PCLO: variants seen among roughly 807,000 people sequenced by gnomAD.
PCLO encodes the protein protein piccolo.
In PCLO, 82 loss-of-function variants were observed where a neutral mutation model predicts 427.5. The observed-to-expected ratio is 0.19, with a 90% CI of 0.16 to 0.23. The LOEUF (loss-of-function observed/expected upper bound fraction) is 0.23. Among genes scored for constraint, PCLO ranks in the 10% least tolerant of loss-of-function variants. The pLI, the probability that PCLO is intolerant of heterozygous loss-of-function variation, is 1.00. For missense variants in PCLO, 6,239 were observed against 6,115.9 expected (o/e 1.02, Z -0.67); for synonymous variants, 2,357 against 2,155.4 (o/e 1.09, Z -2.59).
intron 3 of PCLO, among the ~76,000 whole-genome samples, chr7:82,969,967 T>C (rs1171226069): frequency 3.3e-5 from 5 of 152,072 alleles, no homozygotes; most frequent in Non-Finnish European, 7.4e-5. Context: ...TTTGACATAA[T>C]AGAAATATGA....
chr7:83,125,920 T>C (rs376931086), intron 3 of PCLO, among the ~76,000 whole-genome samples: 2 of 151,842 alleles, frequency 1.3e-5, no homozygotes, highest in African/African-American at 4.8e-5. Context: ...AAGACATATA[T>C]GCACTCCCAT....
At chr7:83,151,585 C>T (rs756453991) in intron 2 of PCLO, among the ~76,000 whole-genome samples, 4 of 152,188 alleles carry the variant, frequency 2.6e-5, no homozygotes, top group Non-Finnish European at 5.9e-5. Context: ...GCTTCTCTAC[C>T]TGCCCTTATG....
intron 10 of PCLO, among the ~76,000 whole-genome samples, chr7:82,850,136 G>A (rs1562817566): frequency 6.6e-6 from 1 of 152,072 alleles, no homozygotes; most frequent in Non-Finnish European, 1.5e-5. Flanking sequence ...AGGCTCCTGA[G>A]TAGCTGGGAT....
At chr7:82,779,455 T>C (rs1483056518) in intron 22 of PCLO, among the ~76,000 whole-genome samples, 1 of 152,212 alleles carries the variant, frequency 6.6e-6, no homozygotes, top group Non-Finnish European at 1.5e-5. Context: ...GTCTTTTATT[T>C]GATGATTTAA....
intron 3 of PCLO, among the ~76,000 whole-genome samples, chr7:83,109,355 T>C (rs550734998): frequency 2.0e-5 from 3 of 152,282 alleles, no homozygotes; most frequent in South Asian, 4.1e-4. Flanking sequence ...GGGTACATGA[T>C]GGAGTTGGGA....
rs752667654 is a variant in PCLO at position 83,162,445 on chromosome 7, C to T, written c.148G>A (p.Glu50Lys). The T allele has an allele frequency of 1.3e-6, 2 of 1,595,140 alleles. No homozygotes were observed. The highest frequency in any genetic ancestry group is 1.7e-5 in the Admixed American group (1 of 57,616). Residue 50 changes from glutamate (E) to lysine (K), a missense_variant, in exon 1 of 25, where the codon GAA (glutamate) becomes AAA (lysine). By Grantham distance (56) the Glu-to-Lys change is moderately conservative. This residue lies in a region of PCLO where 4,677 missense variants were observed against 4,468.4 expected (regional missense o/e 1.05). Coordinates refer to ENST00000333891, the MANE Select transcript of PCLO (RefSeq NM_033026.6). ...GMEADLSQLS[E>K]EERRQIAAVM... ...GCGGCGATCTGTCTCCTCTCCTCTT[C>T]GCTCAGCTGGCTCAAATCCGCCTCC...
At chr7:82,910,545 T>C (rs57662231) in intron 7 of PCLO, among the ~76,000 whole-genome samples, 53,154 of 151,934 alleles carry the variant, frequency 0.35, 11,469 homozygotes, top group East Asian at 0.6. Flanking sequence ...AGGCAAAGCT[T>C]ATATTGTCTT....
chr7:82,841,437 G>A (rs748151831), intron 14 of PCLO, 22 bp downstream of exon 14: 35 of 1,535,268 alleles, frequency 2.3e-5, no homozygotes, highest in East Asian at 1.8e-4. Context: ...ATATAATGGC[G>A]ACTTTTTAAA....
At chr7:82,806,469 A>G (rs567410363) in intron 20 of PCLO, among the ~76,000 whole-genome samples, 1 of 152,292 alleles carries the variant, frequency 6.6e-6, no homozygotes, top group African/African-American at 2.4e-5. Context: ...ATATTTGAAT[A>G]TAAGAATCCA....
chr7:83,017,429 T>A (rs1189004229), intron 3 of PCLO, among the ~76,000 whole-genome samples: 1 of 151,954 alleles, frequency 6.6e-6, no homozygotes, highest in Admixed American at 6.6e-5. Context: ...TGTAATTCAT[T>A]CTTGAGAACA....
rs770502783 is a variant in PCLO, at chr7:83,162,364, C to T, written c.229G>A (p.Glu77Lys). 6.2e-7 allele frequency: 1 copy of T among 1,600,364 alleles called. No individual in the cohort carries two copies. The highest frequency in any genetic ancestry group is 8.5e-7 in the Non-Finnish European group (1 of 1,173,508). Residue 77 changes from glutamate (E) to lysine (K), a missense_variant, in exon 1 of 25, where the codon GAG (glutamate) becomes AAG (lysine). This residue lies in a region of PCLO where 4,677 missense variants were observed against 4,468.4 expected (regional missense o/e 1.05). Transcript: ENST00000333891. ...PKGSVPPAAA[E>K]SPSMHRKQEL... Reference sequence around the variant, plus strand: ...GCATGCCTGTGCATGGAAGGCGACTCCGCAGCGGCCGGGGGGACGCTTCCC... The same window carrying T: ...GCATGCCTGTGCATGGAAGGCGACTTCGCAGCGGCCGGGGGGACGCTTCCC...
rs566998519 is a variant in PCLO, at chr7:83,162,646, G to C, written c.-54C>G. On this transcript the variant is annotated 5_prime_UTR_variant, in exon 1 of 25. Transcript: ENST00000333891. ...TCCCTCCTCGCGCCGCGTCCCAGTCGAGAAGCCCGCGGCCAGGGGAGCAGT... is the reference window on the plus strand; with the variant it reads ...TCCCTCCTCGCGCCGCGTCCCAGTCCAGAAGCCCGCGGCCAGGGGAGCAGT... 3 of 1,480,330 alleles carry C rather than the reference G, an allele frequency of 2.0e-6. No individual in the cohort carries two copies. The African/African-American group carries it at 4.2e-5, about 21-fold the overall frequency. 91.7% of individuals were successfully genotyped at this position (1,480,330 alleles called of 1,614,324 possible).
At chr7:82,886,333 G>T (rs1038372413) in intron 9 of PCLO, among the ~76,000 whole-genome samples, 1 of 151,060 alleles carries the variant, frequency 6.6e-6, no homozygotes, top group Non-Finnish European at 1.5e-5. Context: ...TAATATTATA[G>T]CTTTTAGCAT....
intron 22 of PCLO, among the ~76,000 whole-genome samples, chr7:82,780,325 T>C (rs1011896742): frequency 6.6e-6 from 1 of 152,224 alleles, no homozygotes; most frequent in East Asian, 1.9e-4. Flanking sequence ...TTTAGTAATC[T>C]ATCTTAAACG....
At chr7:83,132,969 AC>A (rs1791611145) in intron 3 of PCLO, among the ~76,000 whole-genome samples, 2 of 152,030 alleles carry the variant, frequency 1.3e-5, no homozygotes, top group African/African-American at 4.8e-5. Flanking sequence ...GACAGTTGTT[AC>A]CACTCATGAA....
intron 3 of PCLO, among the ~76,000 whole-genome samples, chr7:83,127,918 C>G (rs1411451951): frequency 1.3e-5 from 2 of 152,078 alleles, no homozygotes; most frequent in Non-Finnish European, 2.9e-5. Flanking sequence ...AGCAGTGTAT[C>G]TCTTGACAAT....
rs1313000516 is a variant in PCLO at position 83,038,037 on chromosome 7, A to ATATATC, written c.3301-71551_3301-71550insGATATA. On this transcript the variant is annotated intron_variant, in intron 3 of 24. Transcript: ENST00000333891. The stretch of plus-strand genomic sequence containing the variant: ...TATATATATATATATATATTTATAT[A>ATATATC]TTTATATATATATCTTTATATATAT... Among the ~76,000 whole-genome samples, 29 of 33,820 alleles carry ATATATC rather than the reference A, an allele frequency of 8.6e-4. 1 individual carries two copies. Among genetic ancestry groups the ATATATC allele is most frequent in the Non-Finnish European group, 1.0e-3 (21 of 20,652 alleles). The allele number at this position is 33,820 out of a possible 152,430, so 22.2% of individuals were successfully genotyped here.
At position 82,956,637 on chromosome 7, in the gene PCLO, T is replaced by A. The variant is rs1447844963; in HGVS notation, c.4316A>T (p.His1439Leu). 3 of 1,613,890 alleles carry A rather than the reference T, an allele frequency of 1.9e-6. No individual in the cohort carries two copies. The highest frequency in any genetic ancestry group is 2.2e-5 in the East Asian group (1 of 44,856). ...DEKSEKKTQP[H>L]EVSPEQPKDQ... ...TTTAGGCTGTTCAGGAGAAACTTCATGGGGTTGTGTTTTCTTTTCTGACTT... is the reference window on the plus strand; with the variant it reads ...TTTAGGCTGTTCAGGAGAAACTTCAAGGGGTTGTGTTTTCTTTTCTGACTT... The change falls in exon 5 of 25, where the codon CAT becomes CTT. Residue 1439 changes from histidine (H) to leucine (L), a missense_variant. Transcript: ENST00000333891.
At chr7:83,118,255 T>C (rs1457641205) in intron 3 of PCLO, among the ~76,000 whole-genome samples, 1 of 152,160 alleles carries the variant, frequency 6.6e-6, no homozygotes, top group Non-Finnish European at 1.5e-5. Flanking sequence ...AAATACCTTA[T>C]TTATCAAACA....
Sources: allele counts gnomAD v4.1 joint callset (sites outside exome capture counted in the v4.1 genomes callset), GRCh38; gene constraint gnomAD v4.1.1; regional missense constraint gnomAD v4.1.1; transcripts MANE v1.5; gene names NCBI Gene and HGNC (gene_info 2026-07-23, HGNC 2026-07-21).